RAB6A: variants seen among roughly 807,000 people sequenced by gnomAD.
RAB6A encodes the protein ras-related protein Rab-6A.
In RAB6A, 8 loss-of-function variants were observed where a neutral mutation model predicts 32.3. The ratio of observed to expected loss-of-function variants is 0.25; its 90% CI spans 0.15 to 0.45. The LOEUF is 0.45. Among genes scored for constraint, RAB6A ranks in the 20% least tolerant of loss-of-function variants. RAB6A has a pLI of 1.00. For missense variants in RAB6A, 104 were observed against 249.4 expected (o/e 0.42, Z 3.93); for synonymous variants, 73 against 82.1 (o/e 0.89, Z 0.60).
At chr11:73,710,325 C>T (rs756868153) in intron 5 of RAB6A, among the ~76,000 whole-genome samples, 11 of 110,278 alleles carry the variant, frequency 1.0e-4, no homozygotes, top group Non-Finnish European at 1.7e-4. Context: ...TTCCATCTCC[C>T]GTGTCCAAAA....
At chr11:73,681,861 T>C (rs972275287) in intron 6 of RAB6A, among the ~76,000 whole-genome samples, 1 of 152,120 alleles carries the variant, frequency 6.6e-6, no homozygotes, top group Admixed American at 6.6e-5. Flanking sequence ...AATTTTGATC[T>C]GGTAGACAAA....
intron 6 of RAB6A, among the ~76,000 whole-genome samples, chr11:73,697,330 CTTTTCTTTTT>C (rs995288513): frequency 6.6e-5 from 10 of 151,788 alleles, no homozygotes; most frequent in Admixed American, 6.6e-5. Flanking sequence ...TTCTGTTTTT[CTTTTCTTTTT>C]TTTTCTTTTT....
At chr11:73,698,889 T>C (rs1945697787) in intron 6 of RAB6A, among the ~76,000 whole-genome samples, 1 of 147,240 alleles carries the variant, frequency 6.8e-6, no homozygotes, top group Non-Finnish European at 1.5e-5. Flanking sequence ...TCTTGCTCTG[T>C]CGCCCAGGCT....
In RAB6A at chr11:73,692,678, C is replaced by T. The variant is rs550320026; in HGVS notation, c.496-12958G>A. Among the ~76,000 whole-genome samples, 22 of 150,012 alleles carry T rather than the reference C, an allele frequency of 1.5e-4. No individual in the cohort carries two copies. In the South Asian group the frequency reaches 2.1e-3, roughly 14 times the overall value. On this transcript the variant is annotated intron_variant, in intron 6 of 7. Coordinates refer to ENST00000336083, the MANE Select transcript of RAB6A (RefSeq NM_198896.2). Reference sequence around the variant, plus strand: ...ATAATAAACAAATGCCTGCCGGGCGCGGTGGCTCACGCCTATAATCCCAGC... The same window carrying T: ...ATAATAAACAAATGCCTGCCGGGCGTGGTGGCTCACGCCTATAATCCCAGC...
intron 6 of RAB6A, among the ~76,000 whole-genome samples, chr11:73,680,079 C>G (rs1691652325): frequency 6.6e-6 from 1 of 152,086 alleles, no homozygotes; most frequent in African/African-American, 2.4e-5. Flanking sequence ...GCCCGGGCAA[C>G]AGGGCGAGAC....
rs749585804 is a variant in RAB6A at position 73,757,351 on chromosome 11, G to C, written c.70+3215C>G. On this transcript the variant is annotated intron_variant, in intron 1 of 7. Coordinates refer to ENST00000336083, the MANE Select transcript of RAB6A (RefSeq NM_198896.2). ...TTGTAGAGACCGGGCCATGGGGTGG[G>C]GGGGAGCCGGGGACTCCACCATGTT... is the stretch of plus-strand genomic sequence containing the variant. 3.4e-5 allele frequency among the ~76,000 whole-genome samples: 5 copies of C among 149,122 alleles called. No homozygotes were observed. In the South Asian group the frequency reaches 8.5e-4, roughly 25 times the overall value.
chr11:73,688,541 C>T (rs1193825092), intron 6 of RAB6A, among the ~76,000 whole-genome samples: 5 of 152,186 alleles, frequency 3.3e-5, no homozygotes, highest in Non-Finnish European at 7.4e-5. Context: ...GAGTTGGTGC[C>T]ATTCTGTGTA....
rs749108970 is a variant in RAB6A, at chr11:73,718,774, A to T, written c.184-56T>A. The T allele has an allele frequency of 1.5e-5, 25 of 1,614,108 alleles. No homozygotes were observed. The South Asian group carries it at 2.4e-4, about 16-fold the overall frequency. ...AAAATAAGAAAGGTCAACCCGTTGC[A>T]ATATACCTACTTGTGATATCGTAAA... On this transcript the variant is annotated intron_variant, in intron 3 of 7. Transcript: ENST00000336083.
chr11:73,712,275 A>G (rs544791482), intron 5 of RAB6A, among the ~76,000 whole-genome samples: 93 of 152,290 alleles, frequency 6.1e-4, no homozygotes, highest in African/African-American at 2.1e-3. Context: ...TCAATTTATT[A>G]CATAGTTCAT....
chr11:73,707,661 C>T (rs371549975), intron 5 of RAB6A, 148 bp from the exon 6 acceptor site: 1 of 573,578 alleles, frequency 1.7e-6, no homozygotes, highest in Non-Finnish European at 3.0e-6. Context: ...CTGCCACACT[C>T]TTGAAATTTG....
rs1946641142 is a variant in RAB6A, at chr11:73,749,398, G to GGTAGA, written c.70+11163_70+11167dup. 4.6e-5 allele frequency among the ~76,000 whole-genome samples: 7 copies of GGTAGA among 152,146 alleles called. No individual in the cohort carries two copies. The South Asian group carries it at 1.5e-3, about 32-fold the overall frequency. On this transcript the variant is annotated intron_variant, in intron 1 of 7. Transcript: ENST00000336083. Reference sequence around the variant, plus strand: ...GGGATAAAAGACTACATACACACTGGGTAGAGTGTACACTGCTCGGGTGAT... The same window carrying GGTAGA: ...GGGATAAAAGACTACATACACACTGGGTAGAGTAGAGTGTACACTGCTCGGGTGAT...
intron 6 of RAB6A, among the ~76,000 whole-genome samples, chr11:73,700,475 G>C (rs1412489329): frequency 2.6e-5 from 4 of 151,316 alleles, no homozygotes; most frequent in Non-Finnish European, 5.9e-5. Context: ...TAGCTACTTA[G>C]AAGGCTGATG....
intron 1 of RAB6A, among the ~76,000 whole-genome samples, chr11:73,744,360 A>C (rs991853639): frequency 6.7e-6 from 1 of 150,088 alleles, no homozygotes; most frequent in African/African-American, 2.5e-5. Flanking sequence ...AAAAAATTTA[A>C]ATTAGCCACA....
At chr11:73,679,430 A>G (rs1436697624) in intron 7 of RAB6A, among the ~76,000 whole-genome samples, 2 of 152,214 alleles carry the variant, frequency 1.3e-5, no homozygotes, top group African/African-American at 4.8e-5. Context: ...AAGCAAGCAA[A>G]CAAACACAAA....
intron 6 of RAB6A, among the ~76,000 whole-genome samples, chr11:73,683,412 C>T (rs778514135): frequency 1.3e-5 from 2 of 151,838 alleles, no homozygotes; most frequent in Non-Finnish European, 2.9e-5. Context: ...CATGCCACCA[C>T]ACCTGGCTAA....
rs192854935 is a variant in RAB6A at position 73,677,443 on chromosome 11, T to C, written c.*455A>G. 115 of 215,034 alleles carry C rather than the reference T, an allele frequency of 5.3e-4. No homozygotes were observed. The highest frequency in any genetic ancestry group is 1.7e-4 in the Non-Finnish European group (17 of 99,560). 13.3% of individuals were successfully genotyped at this position (215,034 alleles called of 1,614,324 possible). ...GCTGCTTTGCCATCTCTTGTTTGTT[T>C]TGAGGAAGTCGGGGGAGGCTAGGTA... On this transcript the variant is annotated 3_prime_UTR_variant, in exon 8 of 8. Coordinates refer to ENST00000336083, the MANE Select transcript of RAB6A (RefSeq NM_198896.2).
chr11:73,711,469 T>C (rs1945956695), intron 5 of RAB6A, among the ~76,000 whole-genome samples: 1 of 152,236 alleles, frequency 6.6e-6, no homozygotes. Context: ...TAGTACTCCT[T>C]TAAAAGGATG....
In RAB6A at chr11:73,760,726, G is replaced by A; in HGVS notation, c.-91C>T. 3 of 1,528,240 alleles carry A rather than the reference G, an allele frequency of 2.0e-6. No homozygotes were observed. The highest frequency in any genetic ancestry group is 2.7e-6 in the Non-Finnish European group (3 of 1,129,826). The allele number at this position is 1,528,240 out of a possible 1,614,324, so 94.7% of individuals were successfully genotyped here. A position where few individuals can be genotyped will look rare whatever the true frequency, so the allele number is the denominator to read the frequency against. On this transcript the variant is annotated 5_prime_UTR_variant, in exon 1 of 8. Transcript: ENST00000336083. Reference sequence around the variant, plus strand: ...AGCTGACGAAAAAGGCGAGCGGAAGGGCGGGCACCGAGCTCTCTCGGCCCC... The same window carrying A: ...AGCTGACGAAAAAGGCGAGCGGAAGAGCGGGCACCGAGCTCTCTCGGCCCC...
At chr11:73,707,780 T>A (rs1302157862) in intron 5 of RAB6A, among the ~76,000 whole-genome samples, 1 of 152,132 alleles carries the variant, frequency 6.6e-6, no homozygotes, top group Non-Finnish European at 1.5e-5. Flanking sequence ...TTTACAAACT[T>A]AATAGCTTGA....
Sources: allele counts gnomAD v4.1 joint callset (sites outside exome capture counted in the v4.1 genomes callset), GRCh38; gene constraint gnomAD v4.1.1; transcripts MANE v1.5; gene names NCBI Gene and HGNC (gene_info 2026-07-23, HGNC 2026-07-21).